CD207: variants seen among roughly 807,000 people sequenced by gnomAD.
CD207 encodes C-type lectin domain family 4 member K.
A neutral mutation model predicts 31.6 loss-of-function variants in CD207; 28 were observed. That is an observed-to-expected ratio of 0.89 (90% CI 0.66 to 1.21). The LOEUF is 1.21. CD207 is among the 50% of genes most tolerant of loss of function. CD207 has a pLI of 0.00. For missense variants in CD207, 388 were observed against 397.8 expected (o/e 0.98, Z 0.21); for synonymous variants, 168 against 153.9 (o/e 1.09, Z -0.68).
chr2:70,827,268 CACTG>C (rs1677367265), downstream of CD207, among the ~76,000 whole-genome samples: 1 of 152,204 alleles, frequency 6.6e-6, no homozygotes, highest in African/African-American at 2.4e-5. Flanking sequence ...TTTGAAAACA[CACTG>C]AGTTTATCAT....
rs782333718 is a variant in CD207 at position 70,831,054 on chromosome 2, G to T, written c.983C>A (p.Pro328Gln). ...ICKRPYVPSE[P>Q] Reference sequence around the variant, plus strand: ...TGAGCTTGGGAGCCTGTCCTGTCACGGTTCTGATGGGACATAGGGTCGCTT... The same window carrying T: ...TGAGCTTGGGAGCCTGTCCTGTCACTGTTCTGATGGGACATAGGGTCGCTT... The change falls in exon 6 of 6, where the codon CCG becomes CAG. Residue 328 changes from proline (P) to glutamine (Q), a missense_variant. Pro to Gln is a moderately conservative substitution (Grantham distance 76). Coordinates refer to ENST00000410009, the MANE Select transcript of CD207 (RefSeq NM_015717.5). The T allele has an allele frequency of 9.3e-6, 15 of 1,613,092 alleles. No individual in the cohort carries two copies. In the East Asian group the frequency reaches 3.3e-4, roughly 36 times the overall value.
In CD207 at chr2:70,833,654, T is replaced by C; in HGVS notation, c.557A>G (p.Lys186Arg). ...GSLENMSKLL[K>R]RQNDILQVVS... ...TTTTCTGAGTCACTTACTTTGTCGTTTGAGCAACTTGCTCATATTCTCCAA... is the reference window on the plus strand; with the variant it reads ...TTTTCTGAGTCACTTACTTTGTCGTCTGAGCAACTTGCTCATATTCTCCAA... The change falls in exon 3 of 6, where the codon AAA (lysine) becomes AGA (arginine). Residue 186 changes from lysine (K) to arginine (R), a missense_variant. Coordinates refer to ENST00000410009, the MANE Select transcript of CD207 (RefSeq NM_015717.5). 1 of 1,609,804 alleles carries C rather than the reference T, an allele frequency of 6.2e-7. No individual in the cohort carries two copies. The highest frequency in any genetic ancestry group is 8.5e-7 in the Non-Finnish European group (1 of 1,177,484).
intron 4 of CD207, among the ~76,000 whole-genome samples, chr2:70,832,256 G>T (rs1553399950): frequency 1.3e-5 from 2 of 152,208 alleles, no homozygotes; most frequent in African/African-American, 4.8e-5. Flanking sequence ...GGCCAGTGAA[G>T]TTTGCCCAGT....
chr2:70,828,982 C>T (rs10193839), downstream of CD207, among the ~76,000 whole-genome samples: 106,633 of 152,036 alleles, frequency 0.7, 37,476 homozygotes, highest in Middle Eastern at 0.76. Flanking sequence ...ATGTCTTTCC[C>T]CTGCCTCATA....
In CD207 at chr2:70,831,690, C is replaced by T; in HGVS notation, c.836+11G>A. The T allele has an allele frequency of 6.4e-7, 1 of 1,559,792 alleles. No individual in the cohort carries two copies. The highest frequency in any genetic ancestry group is 8.8e-7 in the Non-Finnish European group (1 of 1,130,852). On this transcript the variant is annotated intron_variant, in intron 5 of 5. Transcript: ENST00000410009. ...AAAGTCAGGCTGGCACGGAGGGCTC[C>T]AGGGGCTTACCTCACACTTTGGACC...
chr2:70,826,291 G>T (rs1677340982), downstream of CD207, among the ~76,000 whole-genome samples: 1 of 152,124 alleles, frequency 6.6e-6, no homozygotes, highest in Non-Finnish European at 1.5e-5. Flanking sequence ...AAAAACACCA[G>T]GACAAATCAA....
At chr2:70,833,077 C>A in intron 3 of CD207, 26 bp from the exon 4 acceptor site, 1 of 1,612,778 alleles carries the variant, frequency 6.2e-7, no homozygotes, top group Non-Finnish European at 8.5e-7. Flanking sequence ...TAAAAGTGAA[C>A]GCTGGTATTC....
intron 3 of CD207, 98 bp from the exon 4 acceptor site, chr2:70,833,149 A>T: frequency 1.1e-5 from 13 of 1,150,226 alleles, no homozygotes; most frequent in Non-Finnish European, 1.5e-5. Flanking sequence ...GACAGCAGCA[A>T]ATGGAGCTGT....
At chr2:70,824,845 T>TA in the CD207 span, among the ~76,000 whole-genome samples, 1 of 152,182 alleles carries the variant, frequency 6.6e-6, no homozygotes, top group Non-Finnish European at 1.5e-5. Context: ...GATAAGTCTC[T>TA]AGGGCAGAAA....
chr2:70,825,959 A>G (rs1021475371), downstream of CD207, among the ~76,000 whole-genome samples: 1 of 151,138 alleles, frequency 6.6e-6, no homozygotes, highest in Non-Finnish European at 1.5e-5. Flanking sequence ...CAGCCTGGGC[A>G]ACATAGCAAG....
rs1677485643 is a variant in CD207 at position 70,831,933 on chromosome 2, C to A, written c.718-114G>T. 17 of 703,866 alleles carry A rather than the reference C, an allele frequency of 2.4e-5. No homozygotes were observed. In the South Asian group the frequency reaches 2.6e-4, roughly 11 times the overall value. The allele number at this position is 703,866 out of a possible 1,614,324, so 43.6% of individuals were successfully genotyped here. On this transcript the variant is annotated intron_variant, in intron 4 of 5. Transcript: ENST00000410009. The stretch of plus-strand genomic sequence containing the variant: ...AGCCCTGACCCACAGATGCGCTGCA[C>A]AAACTGGCCTCTCAAGCTTCTTCCT...
At chr2:70,835,386 C>T (rs1023542054) in intron 2 of CD207, 105 bp downstream of exon 2, 3 of 786,090 alleles carry the variant, frequency 3.8e-6, no homozygotes, top group African/African-American at 3.4e-5. Flanking sequence ...ATGAAAAAGC[C>T]ACAGGCAGGA....
At chr2:70,832,768 A>G in intron 4 of CD207, 132 bp downstream of exon 4, 1 of 903,742 alleles carries the variant, frequency 1.1e-6, no homozygotes, top group South Asian at 2.2e-5. Flanking sequence ...TCGACATGCT[A>G]CTGAGAACCA....
chr2:70,826,826 T>C (rs546397169), downstream of CD207, among the ~76,000 whole-genome samples: 95 of 152,382 alleles, frequency 6.2e-4, 1 homozygote, highest in African/African-American at 2.2e-3. Context: ...ATAATTCTAT[T>C]GCATGTCTGT....
rs527591997 is a variant in CD207 at position 70,831,800 on chromosome 2, G to A, written c.737C>T (p.Ala246Val). 93 of 1,610,364 alleles carry A rather than the reference G, an allele frequency of 5.8e-5. No homozygotes were observed. Among genetic ancestry groups the A allele is most frequent in the Middle Eastern group, 3.3e-4 (2 of 6,052 alleles). ...GCCAATCCAGTAGATGAGTCCCCCC[G>A]CTGTTTTATACAGAAACTCCTGTAG... ...ESEQEFLYKT[A>V]GGLIYWIGLT... Residue 246 changes from alanine to valine, a missense_variant, in exon 5 of 6, where the codon GCG becomes GTG. Ala to Val is a moderately conservative substitution (Grantham distance 64, BLOSUM62 0). Transcript: ENST00000410009.
rs982593007 is a variant in CD207, at chr2:70,830,269, A to C, written c.*781T>G. 1 of 152,270 alleles carries C rather than the reference A, an allele frequency of 6.6e-6. No homozygotes were observed. The highest frequency in any genetic ancestry group is 1.5e-5 in the Non-Finnish European group (1 of 68,068). The allele number at this position is 152,270 out of a possible 1,614,324, so 9.4% of individuals were successfully genotyped here. The stretch of plus-strand genomic sequence containing the variant: ...AGGAAGCTGGAAGGTGAATTCATGA[A>C]GGCACTGAAGGCTGCTTCCCATGCA... On this transcript the variant is annotated 3_prime_UTR_variant, in exon 6 of 6. Coordinates refer to ENST00000410009, the MANE Select transcript of CD207 (RefSeq NM_015717.5).
chr2:70,833,756 G>T lies in CD207; in HGVS notation c.455C>A (p.Ala152Asp). The T allele has an allele frequency of 1.2e-6, 2 of 1,613,982 alleles. No homozygotes were observed. The highest frequency in any genetic ancestry group is 1.7e-6 in the Non-Finnish European group (2 of 1,179,896). The change falls in exon 3 of 6, where the codon GCC becomes GAC. Residue 152 changes from alanine (A) to aspartate (D), a missense_variant. Ala to Asp is a moderately radical substitution (Grantham distance 126). Transcript: ENST00000410009. ...RSWEEVSTLN[A>D]QIPELKSDLE... ...ATCACTTTTTAACTCTGGGATTTGG[G>T]CATTTAAGGTACTGACTTCTTCCCA... is the stretch of plus-strand genomic sequence containing the variant.
At chr2:70,834,601 C>T (rs1677560865) in intron 2 of CD207, among the ~76,000 whole-genome samples, 1 of 152,158 alleles carries the variant, frequency 6.6e-6, no homozygotes, top group Admixed American at 6.5e-5. Flanking sequence ...CCTTGCCCCA[C>T]CCACTTTCAC....
At chr2:70,825,083 A>C in the CD207 span, among the ~76,000 whole-genome samples, 1 of 152,248 alleles carries the variant, frequency 6.6e-6, no homozygotes, top group Non-Finnish European at 1.5e-5. Context: ...TACCCTTCAT[A>C]GGATGTGATG....
Sources: gnomAD v4.1 joint callset for allele counts (sites outside exome capture counted in the v4.1 genomes callset) on GRCh38, gnomAD v4.1.1 for gene constraint, MANE v1.5 for transcripts, NCBI Gene and HGNC (gene_info 2026-07-23, HGNC 2026-07-21) for gene names.